BLTP1: variants seen among roughly 807,000 people sequenced by gnomAD.
BLTP1 encodes the protein fragile site-associated protein.
the BLTP1 span, chr4:122,172,907 AGAAGAG>A: frequency 6.5e-7 from 1 of 1,538,500 alleles, no homozygotes; most frequent in African/African-American, 1.4e-5. Flanking sequence ...TTATGAATGA[AGAAGAG>A]GAAGAAAGCT....
the BLTP1 span, chr4:122,356,028 C>T: frequency 6.7e-7 from 1 of 1,490,228 alleles, no homozygotes; most frequent in South Asian, 1.3e-5. Flanking sequence ...TAAGAAAATT[C>T]TAAAGGCACT....
chr4:122,234,652 T>A, the BLTP1 span: 1 of 1,131,144 alleles, frequency 8.8e-7, no homozygotes, highest in East Asian at 2.6e-5. Context: ...TGTTTGTGTT[T>A]ACTTTGTCAT....
chr4:122,264,849 A>G, the BLTP1 span, among the ~76,000 whole-genome samples: 3 of 152,326 alleles, frequency 2.0e-5, no homozygotes, highest in Non-Finnish European at 4.4e-5. Context: ...AATTGATTGA[A>G]ATAGAGAAAC....
At chr4:122,181,257 C>CT in the BLTP1 span, 1 of 967,412 alleles carries the variant, frequency 1.0e-6, no homozygotes, top group Non-Finnish European at 1.2e-6. Flanking sequence ...TTTAAAAGAG[C>CT]TATACTGGAC....
the BLTP1 span, chr4:122,152,664 A>C: frequency 2.0e-6 from 2 of 982,716 alleles, no homozygotes; most frequent in Non-Finnish European, 1.2e-6. Flanking sequence ...ACCTGGTCGG[A>C]GTCTGAGAGC....
At chr4:122,247,217 G>A in the BLTP1 span, 233 of 1,613,338 alleles carry the variant, frequency 1.4e-4, no homozygotes, top group East Asian at 1.7e-3. Flanking sequence ...AATTTTGATA[G>A]GTATGTTCAT....
the BLTP1 span, chr4:122,349,784 G>T: frequency 6.4e-7 from 1 of 1,570,102 alleles, no homozygotes; most frequent in Non-Finnish European, 8.6e-7. The surrounding 1 kb of genome is among the most constrained non-coding windows in gnomAD (Gnocchi z 4.5). Flanking sequence ...CTGGGCGGGG[G>T]AAGAAAATGT....
the BLTP1 span, chr4:122,349,720 G>GATGATAGA: frequency 5.9e-6 from 9 of 1,531,296 alleles, no homozygotes; most frequent in Non-Finnish European, 7.9e-6. The surrounding 1 kb of genome is among the most constrained non-coding windows in gnomAD (Gnocchi z 4.5). Flanking sequence ...TGAGAAAACA[G>GATGATAGA]CAATTTTTCT....
At chr4:122,279,846 A>T in the BLTP1 span, 1 of 1,614,088 alleles carries the variant, frequency 6.2e-7, no homozygotes. Context: ...AAGACAAACA[A>T]TGCTGCTGTG....
At chr4:122,359,493 T>C in the BLTP1 span, 1 of 1,549,562 alleles carries the variant, frequency 6.5e-7, no homozygotes, top group African/African-American at 1.4e-5. Flanking sequence ...TGAAACCAAT[T>C]CTGTTCTAAT....
the BLTP1 span, chr4:122,232,031 T>G: frequency 1.0e-6 from 1 of 981,112 alleles, no homozygotes; most frequent in Non-Finnish European, 1.2e-6. Context: ...TGCCTGTCTT[T>G]GATTAGGTTA....
At chr4:122,224,312 C>A in the BLTP1 span, 2 of 309,244 alleles carry the variant, frequency 6.5e-6, no homozygotes, top group Non-Finnish European at 9.4e-6. Context: ...AGGTATTGTT[C>A]ATTAAAGATG....
chr4:122,243,931 ATCAACCAGTG>A, the BLTP1 span: 1 of 1,611,008 alleles, frequency 6.2e-7, no homozygotes. Context: ...TGGACCCTGG[ATCAACCAGTG>A]TCCCAGACCA....
At chr4:122,216,727 G>T in the BLTP1 span, among the ~76,000 whole-genome samples, 1 of 152,066 alleles carries the variant, frequency 6.6e-6, no homozygotes, top group Non-Finnish European at 1.5e-5. Flanking sequence ...TGTTTATTCT[G>T]CTGATTATTT....
the BLTP1 span, chr4:122,220,917 A>G: frequency 1.2e-5 from 2 of 173,648 alleles, no homozygotes; most frequent in South Asian, 1.9e-4. Flanking sequence ...AATTCCTTCA[A>G]GATACCTCTG....
At chr4:122,309,301 T>A in the BLTP1 span, 1 of 1,613,250 alleles carries the variant, frequency 6.2e-7, no homozygotes, top group Non-Finnish European at 8.5e-7. Flanking sequence ...CTGGTTCTGC[T>A]TTGGTATTAA....
the BLTP1 span, chr4:122,187,128 G>C: frequency 4.1e-6 from 4 of 984,284 alleles, no homozygotes; most frequent in South Asian, 1.9e-4. Flanking sequence ...GGGCAAAATG[G>C]TAGATGTAAT....
chr4:122,153,166 T>G, the BLTP1 span: 18 of 342,496 alleles, frequency 5.3e-5, no homozygotes, highest in African/African-American at 2.5e-4. Context: ...GTCGTTTTTT[T>G]TTTTTTTTTT....
the BLTP1 span, chr4:122,172,515 C>T: frequency 5.3e-6 from 1 of 187,602 alleles, no homozygotes; most frequent in African/African-American, 2.4e-5. Context: ...AGCAAAATAT[C>T]TAGTTACAGG....
Sources: allele counts gnomAD v4.1 joint callset (sites outside exome capture counted in the v4.1 genomes callset), GRCh38; gene constraint gnomAD v4.1.1; non-coding constraint Gnocchi (gnomAD v3.1); transcripts MANE v1.5; gene names NCBI Gene and HGNC (gene_info 2026-07-23, HGNC 2026-07-21).